The following CUX1 variants were observed in gnomAD, a reference collection of about 807,000 sequenced individuals.
CUX1 encodes the protein protein CASP.
In CUX1, 31 loss-of-function variants were observed where a neutral mutation model predicts 158.8. The ratio of observed to expected loss-of-function variants is 0.20; its 90% CI spans 0.15 to 0.26. The LOEUF (loss-of-function observed/expected upper bound fraction) is 0.26, where lower values mean the gene tolerates loss of function less well. CUX1 is among the 10% of genes least tolerant of loss of function. The probability of loss-of-function intolerance (pLI) is 1.00; values close to 1 mark genes in which losing one functional copy is unlikely to be tolerated. For synonymous variants in CUX1, 879 were observed against 862.1 expected, an observed-to-expected ratio of 1.02 and a Z score of -0.34; for missense variants, 1,589 against 2,014.6, an observed-to-expected ratio of 0.79 and a Z score of 4.04.
intron 8 of CUX1, among the ~76,000 whole-genome samples, chr7:102,147,106 ACT>A (rs1294493998): frequency 3.3e-5 from 5 of 150,748 alleles, no homozygotes; most frequent in Admixed American, 6.6e-5. Flanking sequence ...GACTGGACCG[ACT>A]CTCTTTCCAG....
intron 2 of CUX1, among the ~76,000 whole-genome samples, chr7:102,002,649 C>G (rs750948674): frequency 2.0e-5 from 3 of 152,214 alleles, no homozygotes; most frequent in Non-Finnish European, 4.4e-5. Flanking sequence ...TCTATCGAGT[C>G]TGAAGCAAGG....
intron 1 of CUX1, among the ~76,000 whole-genome samples, chr7:101,841,349 T>G (rs1305727777): frequency 6.6e-6 from 1 of 152,136 alleles, no homozygotes; most frequent in African/African-American, 2.4e-5. Flanking sequence ...ACATTCTGTA[T>G]TTCTGAATTT....
At chr7:101,891,242 A>G (rs553464635) in intron 1 of CUX1, among the ~76,000 whole-genome samples, 1 of 152,220 alleles carries the variant, frequency 6.6e-6, no homozygotes, top group South Asian at 2.1e-4. Context: ...GTTTTCAGAC[A>G]GGGTCTTGCT....
intron 1 of CUX1, among the ~76,000 whole-genome samples, chr7:101,883,526 C>T (rs1175202452): frequency 6.6e-6 from 1 of 152,068 alleles, no homozygotes; most frequent in Non-Finnish European, 1.5e-5. Context: ...GGGGCAGGAA[C>T]GAAGTCCCTG....
At chr7:101,992,173 ACTT>A (rs898006866) in intron 2 of CUX1, among the ~76,000 whole-genome samples, 9 of 152,190 alleles carry the variant, frequency 5.9e-5, no homozygotes, top group East Asian at 1.9e-4. Context: ...AGGGGGGTGC[ACTT>A]CTTCTAGCCA....
intron 1 of CUX1, among the ~76,000 whole-genome samples, chr7:101,829,904 GC>G (rs1457724341): frequency 2.0e-5 from 3 of 152,168 alleles, no homozygotes; most frequent in Non-Finnish European, 4.4e-5. Context: ...ATCCTCAGAT[GC>G]CCCATCCTTG....
chr7:102,077,939 T>C (rs1028903543), intron 4 of CUX1, among the ~76,000 whole-genome samples: 4 of 152,138 alleles, frequency 2.6e-5, no homozygotes, highest in African/African-American at 9.7e-5. Context: ...CATAAATTAG[T>C]AAAATATTCA....
chr7:101,995,122 A>G (rs778753319), intron 2 of CUX1, among the ~76,000 whole-genome samples: 3 of 152,046 alleles, frequency 2.0e-5, no homozygotes, highest in Non-Finnish European at 4.4e-5. Context: ...AGAAACAAAC[A>G]TGGCAGCTCA....
intron 3 of CUX1, among the ~76,000 whole-genome samples, chr7:102,063,383 C>CTTTTTTTTTTTTTTT (rs11368644): frequency 1.1e-5 from 1 of 89,272 alleles, no homozygotes; most frequent in Non-Finnish European, 2.1e-5. Context: ...ATTTCCTTTT[C>CTTTTTTTTTTTTTTT]TTTTTTTTTT....
chr7:102,048,994 T>C (rs1417682827), intron 3 of CUX1, among the ~76,000 whole-genome samples: 9 of 152,092 alleles, frequency 5.9e-5, no homozygotes, highest in African/African-American at 2.2e-4. Flanking sequence ...GCCTTCTAAG[T>C]CCAGCCAGGT....
intron 21 of CUX1, among the ~76,000 whole-genome samples, chr7:102,232,934 G>A (rs1554531302): frequency 6.6e-6 from 1 of 152,148 alleles, no homozygotes; most frequent in African/African-American, 2.4e-5. Context: ...AGCAGAGCTG[G>A]GCAGCTCCCT....
intron 3 of CUX1, among the ~76,000 whole-genome samples, chr7:102,033,459 A>G (rs114847844): frequency 0.013 from 2,016 of 152,288 alleles, 45 homozygotes; most frequent in African/African-American, 0.046. Context: ...CTGACAAACC[A>G]CTGTACTCAT....
At chr7:102,047,938 C>G (rs1823016010) in intron 3 of CUX1, among the ~76,000 whole-genome samples, 2 of 152,186 alleles carry the variant, frequency 1.3e-5, no homozygotes, top group Non-Finnish European at 2.9e-5. Context: ...AGTTTGATAA[C>G]AGCTGAGAGC....
At chr7:101,856,930 C>G (rs962882380) in intron 1 of CUX1, among the ~76,000 whole-genome samples, 2 of 152,240 alleles carry the variant, frequency 1.3e-5, no homozygotes, top group African/African-American at 2.4e-5. Context: ...CCTCCCTCCG[C>G]GGTCATGCAG....
At chr7:101,817,439 G>A (rs1161045954), upstream of CUX1, 5 of 984,430 alleles carry the variant, frequency 5.1e-6, no homozygotes, top group South Asian at 1.9e-4. This position sits in a 1 kb window ranked among gnomAD's most constrained non-coding sequence, Gnocchi z 4.1. Flanking sequence ...GCCGGGCGGT[G>A]GTCCGCGCGC....
At chr7:101,905,439 C>T (rs369338142) in intron 1 of CUX1, among the ~76,000 whole-genome samples, 6 of 152,212 alleles carry the variant, frequency 3.9e-5, no homozygotes, top group East Asian at 3.8e-4. Flanking sequence ...GGTGGCGTTG[C>T]GCCCATCTTA....
At chr7:101,821,656 C>CTTTTTTTTTTTTTTTTT (rs1373224584) in intron 1 of CUX1, among the ~76,000 whole-genome samples, 2 of 94,480 alleles carry the variant, frequency 2.1e-5, no homozygotes, top group African/African-American at 8.1e-5. Context: ...CTTTTCTTTT[C>CTTTTTTTTTTTTTTTTT]TTTTTTTCTT....
intron 12 of CUX1, among the ~76,000 whole-genome samples, chr7:102,192,272 C>T (rs1431808370): frequency 8.5e-5 from 13 of 152,180 alleles, no homozygotes; most frequent in Non-Finnish European, 8.8e-5. Flanking sequence ...GACACTGAGA[C>T]GTGGTCTCCA....
intron 22 of CUX1, among the ~76,000 whole-genome samples, chr7:102,238,367 C>G (rs536137627): frequency 6.6e-5 from 10 of 152,350 alleles, no homozygotes; most frequent in African/African-American, 2.4e-4. Context: ...CCTGTCTGGG[C>G]ATAACAGAAG....
Sources: allele counts gnomAD v4.1 joint callset (sites outside exome capture counted in the v4.1 genomes callset), GRCh38; gene constraint gnomAD v4.1.1; non-coding constraint Gnocchi (gnomAD v3.1); transcripts MANE v1.5; gene names NCBI Gene and HGNC (gene_info 2026-07-23, HGNC 2026-07-21).